Variants in LYPD6B observed in about 807,000 individuals in gnomAD.
LYPD6B encodes the protein LY6/PLAUR domain containing 6B.
Under a neutral mutation model 22.8 loss-of-function variants are expected in LYPD6B, and 17 were observed. That is an observed-to-expected ratio of 0.75 (90% CI 0.51 to 1.12). The LOEUF (loss-of-function observed/expected upper bound fraction) is 1.12. Among genes scored for constraint, LYPD6B ranks in the 50% most tolerant of loss-of-function variants. The pLI is 0.00. For synonymous variants in LYPD6B, 106 were observed against 91.6 expected (o/e 1.16, Z -0.90); for missense variants, 221 against 258.3 (o/e 0.86, Z 0.99).
At chr2:149,093,007 T>C (rs1685730877) in intron 1 of LYPD6B, among the ~76,000 whole-genome samples, 1 of 152,170 alleles carries the variant, frequency 6.6e-6, no homozygotes, top group Non-Finnish European at 1.5e-5. Context: ...GCAATATCTC[T>C]AACAGGCAGT....
At chr2:149,201,315 A>T (rs1693136993) in intron 3 of LYPD6B, among the ~76,000 whole-genome samples, 1 of 152,170 alleles carries the variant, frequency 6.6e-6, no homozygotes, top group East Asian at 1.9e-4. Flanking sequence ...GCTCTATGTG[A>T]TGGCTTAGGA....
chr2:149,098,925 G>C (rs1020536490), intron 1 of LYPD6B, among the ~76,000 whole-genome samples: 1 of 152,084 alleles, frequency 6.6e-6, no homozygotes, highest in East Asian at 1.9e-4. Context: ...GGCTTAGAAT[G>C]CTTCCTGAAT....
At chr2:149,068,627 C>T in intron 1 of LYPD6B, 1 of 494,710 alleles carries the variant, frequency 2.0e-6, no homozygotes, top group African/African-American at 2.0e-5. Context: ...CAAGATTTTC[C>T]TTATTATTAT....
Position 149,213,059 on chromosome 2 carries a change from G to A in LYPD6B, c.396G>A (p.Lys132=). The change falls in exon 6 of 7, where the codon AAG becomes AAA. Residue 132 remains lysine, a synonymous_variant. Coordinates refer to ENST00000409642, the MANE Select transcript of LYPD6B (RefSeq NM_177964.5). The stretch of plus-strand genomic sequence containing the variant: ...GAAGAAGCACATCCATCACCAAAAA[G>A]TGTGCCTCCAGAAGTGAATGTCATT... ...SHGRSTSITK[K]CASRSECHFV... 6.2e-7 allele frequency: 1 copy of A among 1,613,948 alleles called. No individual in the cohort carries two copies. The highest frequency in any genetic ancestry group is 2.2e-5 in the East Asian group (1 of 44,880).
In LYPD6B at chr2:149,205,250, T is replaced by G; in HGVS notation, c.78-3T>G. 1 of 1,601,318 alleles carries G rather than the reference T, an allele frequency of 6.2e-7. No individual in the cohort carries two copies. ...ACTGAACCAGTGTGTCTTTTCACCA[T>G]AGATATAAGAGTTCGGACCGCCCAG... On this transcript the variant is annotated splice_region_variant and splice_polypyrimidine_tract_variant and intron_variant, in intron 3 of 6. Transcript: ENST00000409642.
At chr2:149,141,191 CG>C (rs1688671702) in intron 2 of LYPD6B, among the ~76,000 whole-genome samples, 1 of 152,100 alleles carries the variant, frequency 6.6e-6, no homozygotes, top group Non-Finnish European at 1.5e-5. Flanking sequence ...GACTAAGTGA[CG>C]TTTGGGCAGA....
chr2:149,149,819 T>A (rs1254920332), intron 2 of LYPD6B, among the ~76,000 whole-genome samples: 1 of 152,164 alleles, frequency 6.6e-6, no homozygotes, highest in Non-Finnish European at 1.5e-5. Flanking sequence ...CCATGCAACC[T>A]CTAAAGGGCA....
At chr2:149,168,611 G>A (rs1050203689) in intron 3 of LYPD6B, among the ~76,000 whole-genome samples, 2 of 152,182 alleles carry the variant, frequency 1.3e-5, no homozygotes, top group South Asian at 4.1e-4. Context: ...GCTATCAGCT[G>A]TGGCTCCCCA....
In LYPD6B at chr2:149,184,160, C is replaced by T. The variant is rs191335465; in HGVS notation, c.78-21093C>T. On this transcript the variant is annotated intron_variant, in intron 3 of 6. Coordinates refer to ENST00000409642, the MANE Select transcript of LYPD6B (RefSeq NM_177964.5). ...TGAGCCAAGATTGAGCCATTGCACTCCAGCAACAAGAGTGAAACTCCATCT... is the reference window on the plus strand; with the variant it reads ...TGAGCCAAGATTGAGCCATTGCACTTCAGCAACAAGAGTGAAACTCCATCT... Among the ~76,000 whole-genome samples the T allele has an allele frequency of 2.2e-3, 330 of 150,458 alleles. 2 individuals are homozygous for T. Among genetic ancestry groups the T allele is most frequent in the Admixed American group, 4.5e-3 (67 of 14,954 alleles).
intron 1 of LYPD6B, among the ~76,000 whole-genome samples, chr2:149,053,208 T>TA (rs879401445): frequency 6.6e-6 from 1 of 151,930 alleles, no homozygotes; most frequent in Admixed American, 6.6e-5. Context: ...GATACATAGT[T>TA]AAAAAAAACA....
chr2:149,208,232 G>C, intron 4 of LYPD6B, 82 bp from the exon 5 acceptor site: 2 of 890,544 alleles, frequency 2.2e-6, no homozygotes, highest in South Asian at 2.8e-5. Flanking sequence ...ATCTGTTAAA[G>C]TTGCTCATTT....
intron 1 of LYPD6B, among the ~76,000 whole-genome samples, chr2:149,110,151 TA>T (rs1392376613): frequency 6.6e-6 from 1 of 152,230 alleles, no homozygotes; most frequent in African/African-American, 2.4e-5. Context: ...TTTTTTAACT[TA>T]GACATTGCAG....
intron 3 of LYPD6B, among the ~76,000 whole-genome samples, chr2:149,200,132 TCTTA>T (rs2106114441): frequency 6.6e-6 from 1 of 152,348 alleles, no homozygotes; most frequent in Non-Finnish European, 1.5e-5. Flanking sequence ...CATTAAAGTG[TCTTA>T]CTGTGAGATA....
rs10659168 is a variant in LYPD6B at position 149,171,528 on chromosome 2, AT to A, written c.77+10705del. Among the ~76,000 whole-genome samples the A allele has an allele frequency of 5.4e-3, 770 of 143,310 alleles. 4 individuals are homozygous for A. Among genetic ancestry groups the A allele is most frequent in the African/African-American group, 0.017 (676 of 38,740 alleles). The allele number at this position is 143,310 out of a possible 152,430, so 94.0% of individuals were successfully genotyped here. Reference sequence around the variant, plus strand: ...CGTGAGAGCTCTTTTTTGAAGTCTGATTTTTTTTTTTTGATCCTATATCCCC... The same window carrying A: ...CGTGAGAGCTCTTTTTTGAAGTCTGATTTTTTTTTTTGATCCTATATCCCC... On this transcript the variant is annotated intron_variant, in intron 3 of 6. Coordinates refer to ENST00000409642, the MANE Select transcript of LYPD6B (RefSeq NM_177964.5).
intron 1 of LYPD6B, among the ~76,000 whole-genome samples, chr2:149,042,145 G>T (rs1683114596): frequency 6.6e-6 from 1 of 152,242 alleles, no homozygotes; most frequent in Non-Finnish European, 1.5e-5. Flanking sequence ...TGGTGAAGAT[G>T]CAATTAATGG....
intron 3 of LYPD6B, among the ~76,000 whole-genome samples, chr2:149,181,424 C>T (rs1276029610): frequency 1.3e-5 from 2 of 151,334 alleles, no homozygotes; most frequent in Non-Finnish European, 2.9e-5. Context: ...ACAGATGCAT[C>T]TGTGATGAAT....
chr2:149,104,756 T>C (rs1305569724), intron 1 of LYPD6B, among the ~76,000 whole-genome samples: 1 of 152,182 alleles, frequency 6.6e-6, no homozygotes, highest in Non-Finnish European at 1.5e-5. Flanking sequence ...ATCTTGCTTT[T>C]AGTGTTATAT....
intron 6 of LYPD6B, among the ~76,000 whole-genome samples, chr2:149,213,365 T>A (rs185731184): frequency 6.6e-6 from 1 of 151,628 alleles, no homozygotes; most frequent in Non-Finnish European, 1.5e-5. Context: ...CATACAAAGA[T>A]AAAATGGAGA....
chr2:149,118,760 A>G (rs1371069781), intron 1 of LYPD6B, among the ~76,000 whole-genome samples: 1 of 152,182 alleles, frequency 6.6e-6, no homozygotes, highest in African/African-American at 2.4e-5. Context: ...TCTCGGAGTA[A>G]TTTATTCAAG....
Sources: gnomAD v4.1 joint callset for allele counts (sites outside exome capture counted in the v4.1 genomes callset) on GRCh38, gnomAD v4.1.1 for gene constraint, MANE v1.5 for transcripts, NCBI Gene and HGNC (gene_info 2026-07-23, HGNC 2026-07-21) for gene names.